Variants in ECI2 observed in about 807,000 individuals in gnomAD.
ECI2 encodes D3,D2-enoyl-CoA isomerase.
ECI2 carries 27 observed loss-of-function variants against 38.4 expected under a neutral mutation model. That is an observed-to-expected ratio of 0.70 (90% CI 0.52 to 0.97). ECI2 has a LOEUF of 0.97. Among genes scored for constraint, ECI2 ranks in the 50% least tolerant of loss-of-function variants. The probability of loss-of-function intolerance (pLI) is 0.00; values close to 1 mark genes in which losing one functional copy is unlikely to be tolerated. For missense variants in ECI2, 470 were observed against 474.4 expected (o/e 0.99, Z 0.09); for synonymous variants, 168 against 172.0 (o/e 0.98, Z 0.18).
chr6:4,122,980 G>A (rs913833148), intron 7 of ECI2, among the ~76,000 whole-genome samples: 4 of 152,052 alleles, frequency 2.6e-5, no homozygotes, highest in Admixed American at 2.6e-4. Flanking sequence ...TGCTGACAGA[G>A]CTAATAGGCA....
intron 8 of ECI2, 157 bp from the exon 9 acceptor site, chr6:4,117,608 G>A (rs555195689): frequency 1.4e-5 from 14 of 970,356 alleles, no homozygotes; most frequent in East Asian, 8.4e-5. Context: ...AATAGGCAAC[G>A]GTTTGCAAAC....
chr6:4,122,149 G>A (rs1772835464), intron 7 of ECI2: 1 of 574,496 alleles, frequency 1.7e-6, no homozygotes, highest in Non-Finnish European at 3.0e-6. Context: ...GACTACTTAG[G>A]GACGTTGGGA....
chr6:4,122,467 T>A (rs1772865531), intron 7 of ECI2, among the ~76,000 whole-genome samples: 2 of 152,110 alleles, frequency 1.3e-5, no homozygotes, highest in Admixed American at 1.3e-4. Context: ...GTGATCCACC[T>A]GCCTTGGCCT....
At position 4,125,274 on chromosome 6, in the gene ECI2, G is replaced by A. The variant is rs765009995; in HGVS notation, c.771C>T (p.Phe257=). 7 of 1,613,984 alleles carry A rather than the reference G, an allele frequency of 4.3e-6. No individual in the cohort carries two copies. The highest frequency in any genetic ancestry group is 1.1e-5 in the South Asian group (1 of 91,084). Residue 257 remains phenylalanine (F), a synonymous_variant, in exon 7 of 10, where the codon TTC becomes TTT. Transcript: ENST00000380118. ...VGISVTLLGL[F]DAVYASDRAT... The stretch of plus-strand genomic sequence containing the variant: ...CCCTGTCAGATGCATACACGGCATC[G>A]AATAGCCCAAGGAGGGTGACGGAGA...
chr6:4,134,968 C>G, intron 1 of ECI2: 1 of 369,306 alleles, frequency 2.7e-6, no homozygotes, highest in Non-Finnish European at 5.5e-6. Flanking sequence ...TCCCTATGCA[C>G]AGATTCGTGC....
chr6:4,117,618 CTG>C, intron 8 of ECI2, 167 bp from the exon 9 acceptor site: 2 of 863,198 alleles, frequency 2.3e-6, no homozygotes, highest in Non-Finnish European at 3.3e-6. Context: ...GGTTTGCAAA[CTG>C]TGTGCTGAGA....
At chr6:4,121,887 A>T (rs1372441708) in intron 7 of ECI2, 5 of 930,114 alleles carry the variant, frequency 5.4e-6, no homozygotes, top group Non-Finnish European at 8.0e-6. Flanking sequence ...ATACATAAAA[A>T]TAATCACAAT....
chr6:4,116,049 A>G lies in ECI2; in HGVS notation c.1030-20T>C. The stretch of plus-strand genomic sequence containing the variant: ...CAAGGCCTGGAAAAACAAAACCAAC[A>G]ATAAGGTTAAGAGTTGACCTAGGCT... On this transcript the variant is annotated intron_variant, in intron 9 of 9. Transcript: ENST00000380118. 6.2e-7 allele frequency: 1 copy of G among 1,607,768 alleles called. No homozygotes were observed. The highest frequency in any genetic ancestry group is 8.5e-7 in the Non-Finnish European group (1 of 1,177,000).
intron 9 of ECI2, 38 bp from the exon 10 acceptor site, chr6:4,116,067 C>T: frequency 6.3e-7 from 1 of 1,594,638 alleles, no homozygotes; most frequent in African/African-American, 1.3e-5. Context: ...TAAGAGTTGA[C>T]CTAGGCTGGA....
At chr6:4,131,512 T>A (rs1430035035) in intron 2 of ECI2, among the ~76,000 whole-genome samples, 4 of 152,188 alleles carry the variant, frequency 2.6e-5, no homozygotes, top group Non-Finnish European at 5.9e-5. Context: ...AAAATTCCAG[T>A]TAAAATTTTT....
In ECI2 at chr6:4,126,952, G is replaced by A. The variant is rs542967709; in HGVS notation, c.572-715C>T. Among the ~76,000 whole-genome samples the A allele has an allele frequency of 1.8e-4, 27 of 152,170 alleles. No individual in the cohort carries two copies. The East Asian group carries it at 4.4e-3, about 25-fold the overall frequency. ...ATCTCCATCACCCCAAAAGTTTCCC[G>A]TAGGCTCCTTCCTAGCTATCCCACC... is the stretch of plus-strand genomic sequence containing the variant. On this transcript the variant is annotated intron_variant, in intron 5 of 9. Transcript: ENST00000380118.
chr6:4,132,493 T>C (rs556663323), intron 2 of ECI2, among the ~76,000 whole-genome samples: 12 of 152,210 alleles, frequency 7.9e-5, no homozygotes, highest in African/African-American at 2.9e-4. Flanking sequence ...GCCACACCTC[T>C]TCTGGGGCAA....
At position 4,130,173 on chromosome 6, in the gene ECI2, A is replaced by T. The variant is rs199767145; in HGVS notation, c.501+199T>A. 6.8e-6 allele frequency: 11 copies of T among 1,613,838 alleles called. No homozygotes were observed. The Admixed American group carries it at 1.7e-4, about 24-fold the overall frequency. On this transcript the variant is annotated intron_variant, in intron 4 of 9. Coordinates refer to ENST00000380118, the MANE Select transcript of ECI2 (RefSeq NM_206836.3). ...CACAGTGCCTTCTGGGTATATCAGAACCTACCTGAAATTCACAAACTCTAA... is the reference window on the plus strand; with the variant it reads ...CACAGTGCCTTCTGGGTATATCAGATCCTACCTGAAATTCACAAACTCTAA...
At chr6:4,132,345 T>A (rs951268427) in intron 2 of ECI2, among the ~76,000 whole-genome samples, 1 of 151,234 alleles carries the variant, frequency 6.6e-6, no homozygotes, top group Non-Finnish European at 1.5e-5. Context: ...GTGTCCAGAG[T>A]TTTTAACAGG....
In ECI2 at chr6:4,130,530, C is replaced by A. The variant is rs1215476224; in HGVS notation, c.343G>T (p.Val115Leu). Reference protein sequence around the residue: ...EAARQNYVDLVSSLSPSLESS... With the variant: ...EAARQNYVDLLSSLSPSLESS... ...TCCAATGAAGGACTCAAACTGGACA[C>A]CAAATCCACATAGTTCTGCCTGGCA... Residue 115 changes from valine (V) to leucine (L), a missense_variant, in exon 4 of 10, where the codon GTG becomes TTG. Physicochemically the swap from Val to Leu is conservative, Grantham distance 32 (BLOSUM62 1). Coordinates refer to ENST00000380118, the MANE Select transcript of ECI2 (RefSeq NM_206836.3). 14 of 1,614,234 alleles carry A rather than the reference C, an allele frequency of 8.7e-6. No individual in the cohort carries two copies. The highest frequency in any genetic ancestry group is 1.2e-5 in the Non-Finnish European group (14 of 1,180,040).
At chr6:4,133,411 C>A (rs1201815642) in intron 2 of ECI2, 138 bp downstream of exon 2, 1 of 746,558 alleles carries the variant, frequency 1.3e-6, no homozygotes. Flanking sequence ...TATATATATA[C>A]ACACACACAC....
chr6:4,131,447 G>C (rs1057037243), intron 2 of ECI2, among the ~76,000 whole-genome samples: 1 of 152,160 alleles, frequency 6.6e-6, no homozygotes, highest in Non-Finnish European at 1.5e-5. Flanking sequence ...GGTGGAGTGG[G>C]TGTTTTGAGA....
intron 1 of ECI2, among the ~76,000 whole-genome samples, chr6:4,134,577 CA>C (rs1250152784): frequency 2.6e-5 from 4 of 152,142 alleles, no homozygotes; most frequent in Admixed American, 2.6e-4. Context: ...ATACAGGTTA[CA>C]AAGCCCAAAC....
At chr6:4,132,384 C>T (rs1033335732) in intron 2 of ECI2, among the ~76,000 whole-genome samples, 2 of 152,012 alleles carry the variant, frequency 1.3e-5, no homozygotes, top group Non-Finnish European at 2.9e-5. Flanking sequence ...GACTGTATAA[C>T]CTGAAGCCCC....
Sources: allele counts gnomAD v4.1 joint callset (sites outside exome capture counted in the v4.1 genomes callset), GRCh38; gene constraint gnomAD v4.1.1; transcripts MANE v1.5; gene names NCBI Gene and HGNC (gene_info 2026-07-23, HGNC 2026-07-21).